BMERB1: variants seen among roughly 807,000 people sequenced by gnomAD.
The protein encoded by BMERB1 is bMERB domain-containing protein 1.
BMERB1 carries 12 observed loss-of-function variants against 23.6 expected under a neutral mutation model. The ratio of observed to expected loss-of-function variants is 0.51; its 90% CI spans 0.33 to 0.82. The LOEUF is 0.82. BMERB1 is among the 40% of genes least tolerant of loss of function. BMERB1 has a pLI of 0.03. For missense variants in BMERB1, 247 were observed against 255.4 expected (o/e 0.97, Z 0.22); for synonymous variants, 122 against 96.6 (o/e 1.26, Z -1.54).
intron 1 of BMERB1, among the ~76,000 whole-genome samples, chr16:15,477,912 T>C (rs1017010104): frequency 6.6e-5 from 10 of 152,202 alleles, no homozygotes; most frequent in African/African-American, 1.9e-4. Context: ...TGCTGTGTTA[T>C]GTCTGTGAGT....
intron 1 of BMERB1, among the ~76,000 whole-genome samples, chr16:15,481,740 G>A (rs1432497039): frequency 8.7e-6 from 1 of 114,638 alleles, no homozygotes; most frequent in African/African-American, 3.5e-5. Flanking sequence ...TTTTTTTTTT[G>A]AGATGGAGTC....
intron 1 of BMERB1, among the ~76,000 whole-genome samples, chr16:15,482,125 A>G (rs1158925053): frequency 6.6e-6 from 1 of 152,060 alleles, no homozygotes; most frequent in East Asian, 1.9e-4. Context: ...ACTGCCATTG[A>G]TATTGGCAAG....
intron 2 of BMERB1, among the ~76,000 whole-genome samples, chr16:15,540,002 A>C (rs988821469): frequency 3.3e-5 from 5 of 152,024 alleles, no homozygotes; most frequent in Non-Finnish European, 1.5e-5. Context: ...CTTTACAAAA[A>C]ATTAGCCCAG....
chr16:15,516,553 AGGCAACCTGGCT>A (rs1473723313), intron 2 of BMERB1, among the ~76,000 whole-genome samples: 2 of 152,222 alleles, frequency 1.3e-5, no homozygotes, highest in Non-Finnish European at 2.9e-5. Flanking sequence ...AGAGGTTAAG[AGGCAACCTGGCT>A]GGAAAATTCC....
chr16:15,545,192 C>T (rs1234979787), intron 2 of BMERB1, among the ~76,000 whole-genome samples: 1 of 152,034 alleles, frequency 6.6e-6, no homozygotes, highest in South Asian at 2.1e-4. Context: ...AGGCTGGTCT[C>T]GAACTCCTGA....
chr16:15,436,684 C>A (rs2050891194), intron 1 of BMERB1, among the ~76,000 whole-genome samples: 1 of 151,734 alleles, frequency 6.6e-6, no homozygotes, highest in Admixed American at 6.6e-5. Context: ...CTCTGTGTCC[C>A]CCCATCCCAA....
intron 2 of BMERB1, among the ~76,000 whole-genome samples, chr16:15,534,311 A>AG (rs2052003238): frequency 7.1e-6 from 1 of 141,604 alleles, no homozygotes; most frequent in African/African-American, 2.5e-5. Context: ...AAAAAAAAAA[A>AG]AAAAGAAAAG....
chr16:15,511,568 A>G (rs1485101280), intron 1 of BMERB1, among the ~76,000 whole-genome samples: 6 of 152,160 alleles, frequency 3.9e-5, no homozygotes, highest in Non-Finnish European at 8.8e-5. Flanking sequence ...CTCCCTGAAA[A>G]TATAAAAGAA....
At chr16:15,571,419 G>A (rs529935234) in intron 3 of BMERB1, among the ~76,000 whole-genome samples, 32 of 151,004 alleles carry the variant, frequency 2.1e-4, no homozygotes, top group African/African-American at 6.8e-4. Context: ...GTGCAGTGGC[G>A]CGATCTCTGC....
intron 1 of BMERB1, among the ~76,000 whole-genome samples, chr16:15,447,559 A>G (rs1383257534): frequency 6.6e-6 from 1 of 152,198 alleles, no homozygotes; most frequent in Non-Finnish European, 1.5e-5. Flanking sequence ...ATAATACATG[A>G]AAGCCCTTCA....
chr16:15,583,779 G>A (rs2031075182), intron 5 of BMERB1, among the ~76,000 whole-genome samples: 1 of 152,182 alleles, frequency 6.6e-6, no homozygotes, highest in South Asian at 2.1e-4. Flanking sequence ...CAGTTGCCTG[G>A]GGCCTCATGC....
At chr16:15,578,490 G>C (rs2030927665) in intron 3 of BMERB1, among the ~76,000 whole-genome samples, 1 of 152,124 alleles carries the variant, frequency 6.6e-6, no homozygotes, top group South Asian at 2.1e-4. Flanking sequence ...TTTGGAAATA[G>C]AGTATTTCCA....
At chr16:15,459,062 C>T (rs569025226) in intron 1 of BMERB1, among the ~76,000 whole-genome samples, 33 of 151,528 alleles carry the variant, frequency 2.2e-4, no homozygotes, top group African/African-American at 7.5e-4. Context: ...GAGCCAAGAT[C>T]GCGCCACTGC....
chr16:15,497,797 T>C (rs1208706706), intron 1 of BMERB1, among the ~76,000 whole-genome samples: 1 of 152,158 alleles, frequency 6.6e-6, no homozygotes, highest in Admixed American at 6.5e-5. Context: ...ATAATCCCCA[T>C]TGTGCCCCCT....
At chr16:15,493,020 A>G (rs1277873612) in intron 1 of BMERB1, among the ~76,000 whole-genome samples, 3 of 152,000 alleles carry the variant, frequency 2.0e-5, no homozygotes, top group African/African-American at 4.8e-5. Flanking sequence ...AAAACTCAAA[A>G]TTAAAGGGTA....
At chr16:15,480,118 A>AT (rs1049765328) in intron 1 of BMERB1, among the ~76,000 whole-genome samples, 43 of 144,838 alleles carry the variant, frequency 3.0e-4, no homozygotes, top group Admixed American at 6.3e-4. Context: ...GATTTTATTA[A>AT]TTTTTTTTTT....
At chr16:15,582,515 G>T (rs1487926144) in intron 4 of BMERB1, among the ~76,000 whole-genome samples, 1 of 152,110 alleles carries the variant, frequency 6.6e-6, no homozygotes, top group African/African-American at 2.4e-5. Context: ...TGGGCAGGCA[G>T]ACAAGCTGCC....
intron 1 of BMERB1, among the ~76,000 whole-genome samples, chr16:15,462,400 C>T (rs1338759799): frequency 1.3e-5 from 2 of 152,042 alleles, no homozygotes; most frequent in African/African-American, 4.8e-5. Context: ...GATCCGCCCG[C>T]CTTGGCCTCC....
intron 3 of BMERB1, among the ~76,000 whole-genome samples, chr16:15,572,054 A>G (rs915764195): frequency 2.0e-5 from 3 of 152,158 alleles, no homozygotes; most frequent in African/African-American, 7.2e-5. Flanking sequence ...CTCCAGATTG[A>G]TTGAGACCTT....
Sources: allele counts gnomAD v4.1 joint callset (sites outside exome capture counted in the v4.1 genomes callset), GRCh38; gene constraint gnomAD v4.1.1; transcripts MANE v1.5; gene names NCBI Gene and HGNC (gene_info 2026-07-23, HGNC 2026-07-21).